Variants in GSK3B observed in about 807,000 individuals in gnomAD.
GSK3B encodes glycogen synthase kinase-3 beta.
In GSK3B, 15 loss-of-function variants were observed where a neutral mutation model predicts 56.4. The ratio of observed to expected loss-of-function variants is 0.27; its 90% CI spans 0.18 to 0.41. The LOEUF (loss-of-function observed/expected upper bound fraction) is 0.41. Ranked by LOEUF, GSK3B falls within the 10% of genes least tolerant of loss-of-function variation. GSK3B has a pLI of 1.00. For synonymous variants in GSK3B, 181 were observed against 188.9 expected (o/e 0.96, Z 0.34); for missense variants, 300 against 513.4 (o/e 0.58, Z 4.02).
intron 9 of GSK3B, among the ~76,000 whole-genome samples, chr3:119,857,132 G>T (rs541256240): frequency 2.0e-5 from 3 of 152,182 alleles, no homozygotes; most frequent in Non-Finnish European, 4.4e-5. Context: ...TCTTTTGTGG[G>T]TGGAGGGTCT....
intron 1 of GSK3B, among the ~76,000 whole-genome samples, chr3:120,012,584 T>C (rs993125983): frequency 1.3e-5 from 2 of 152,198 alleles, no homozygotes; most frequent in Non-Finnish European, 2.9e-5. Context: ...AGATAAATCT[T>C]AAATACATAA....
chr3:120,016,929 C>T (rs2057832770), intron 1 of GSK3B, among the ~76,000 whole-genome samples: 1 of 152,150 alleles, frequency 6.6e-6, no homozygotes, highest in South Asian at 2.1e-4. Flanking sequence ...GTCTTAACTC[C>T]TCACTTGAAA....
At chr3:120,001,382 C>A (rs1376215324) in intron 2 of GSK3B, among the ~76,000 whole-genome samples, 1 of 151,826 alleles carries the variant, frequency 6.6e-6, no homozygotes. Flanking sequence ...ATAGTAATAA[C>A]AATAATAATA....
intron 2 of GSK3B, among the ~76,000 whole-genome samples, chr3:119,948,019 T>A (rs2057117235): frequency 6.6e-6 from 1 of 152,206 alleles, no homozygotes; most frequent in African/African-American, 2.4e-5. Context: ...GATGATTTCT[T>A]AATACCACAG....
intron 9 of GSK3B, among the ~76,000 whole-genome samples, chr3:119,848,643 A>C (rs1450573764): frequency 6.6e-6 from 1 of 152,172 alleles, no homozygotes; most frequent in Non-Finnish European, 1.5e-5. Context: ...CTTTTAATGT[A>C]GTAGTTTTAA....
intron 1 of GSK3B, among the ~76,000 whole-genome samples, chr3:120,060,548 G>C (rs1039452121): frequency 6.6e-6 from 1 of 151,966 alleles, no homozygotes; most frequent in Non-Finnish European, 1.5e-5. Flanking sequence ...GCAACATAGG[G>C]AGACCCCGTC....
At chr3:119,962,844 G>A (rs868126791) in intron 2 of GSK3B, among the ~76,000 whole-genome samples, 45 of 152,340 alleles carry the variant, frequency 3.0e-4, no homozygotes, top group African/African-American at 1.0e-3. Flanking sequence ...CATAAGGAGT[G>A]TGCAACCTAA....
At chr3:119,891,580 G>GGT (rs1283851651) in intron 7 of GSK3B, among the ~76,000 whole-genome samples, 1 of 151,936 alleles carries the variant, frequency 6.6e-6, no homozygotes, top group Non-Finnish European at 1.5e-5. Flanking sequence ...CAAGTCTTAG[G>GGT]GTTCACTTGA....
chr3:120,051,207 G>A (rs79546368), intron 1 of GSK3B, among the ~76,000 whole-genome samples: 2 of 151,038 alleles, frequency 1.3e-5, no homozygotes, highest in South Asian at 4.2e-4. Flanking sequence ...AAACTGAATA[G>A]GCTGGTTTAC....
chr3:119,933,155 T>C (rs979055693), intron 3 of GSK3B, among the ~76,000 whole-genome samples: 8 of 152,040 alleles, frequency 5.3e-5, no homozygotes, highest in Admixed American at 2.0e-4. Flanking sequence ...CCAACAAAAC[T>C]GTAGAAAAAT....
chr3:119,832,998 T>C (rs2055628478), intron 10 of GSK3B: 2 of 982,994 alleles, frequency 2.0e-6, no homozygotes, highest in South Asian at 4.7e-5. Context: ...TCTGTAAGAG[T>C]TGGCTAGATA....
chr3:119,912,379 C>A (rs984573542), intron 6 of GSK3B, among the ~76,000 whole-genome samples: 7 of 151,742 alleles, frequency 4.6e-5, no homozygotes, highest in African/African-American at 1.7e-4. Context: ...TGAAATGTTG[C>A]AATAATTACC....
intron 10 of GSK3B, among the ~76,000 whole-genome samples, chr3:119,835,482 T>C (rs1404417988): frequency 6.6e-6 from 1 of 152,230 alleles, no homozygotes; most frequent in East Asian, 1.9e-4. Flanking sequence ...GGTTGAATAC[T>C]ACAGTCTATA....
At chr3:119,939,088 G>C (rs751876919) in intron 3 of GSK3B, among the ~76,000 whole-genome samples, 1 of 151,924 alleles carries the variant, frequency 6.6e-6, no homozygotes, top group South Asian at 2.1e-4. Context: ...AGGGGGGCTG[G>C]GGGGAGAGAA....
At chr3:120,078,545 CTTT>C (rs66489313) in intron 1 of GSK3B, among the ~76,000 whole-genome samples, 1 of 140,660 alleles carries the variant, frequency 7.1e-6, no homozygotes. Flanking sequence ...AACTTCTCCT[CTTT>C]TTTTTTTTTT....
At chr3:119,926,096 G>A (rs929019692) in intron 3 of GSK3B, among the ~76,000 whole-genome samples, 3 of 151,928 alleles carry the variant, frequency 2.0e-5, no homozygotes, top group African/African-American at 7.3e-5. Context: ...GAAGATCCCT[G>A]GACTTAGTCC....
intron 4 of GSK3B, among the ~76,000 whole-genome samples, chr3:119,923,032 T>C (rs533477930): frequency 1.3e-5 from 2 of 152,324 alleles, no homozygotes; most frequent in Non-Finnish European, 2.9e-5. Flanking sequence ...ATTTTACAAT[T>C]TTATATGATA....
intron 2 of GSK3B, among the ~76,000 whole-genome samples, chr3:119,987,412 T>C (rs2057526538): frequency 6.6e-6 from 1 of 152,138 alleles, no homozygotes; most frequent in African/African-American, 2.4e-5. Flanking sequence ...AAAATATACT[T>C]TTCGTAAAAG....
At chr3:119,827,958 C>G (rs781047994) in intron 10 of GSK3B, among the ~76,000 whole-genome samples, 9 of 151,878 alleles carry the variant, frequency 5.9e-5, no homozygotes, top group South Asian at 4.1e-4. Flanking sequence ...TTTAAAATAA[C>G]AAAGTATGAC....
Sources: gnomAD v4.1 joint callset for allele counts (sites outside exome capture counted in the v4.1 genomes callset) on GRCh38, gnomAD v4.1.1 for gene constraint, MANE v1.5 for transcripts, NCBI Gene and HGNC (gene_info 2026-07-23, HGNC 2026-07-21) for gene names.